RBCK1: variants seen among roughly 807,000 people sequenced by gnomAD.
RBCK1 encodes the protein RANBP2-type and C3HC4-type zinc finger containing 1.
Under a neutral mutation model 71.1 loss-of-function variants are expected in RBCK1, and 44 were observed. That is an observed-to-expected ratio of 0.62 (90% CI 0.49 to 0.80). The LOEUF (loss-of-function observed/expected upper bound fraction) is 0.80. Among genes scored for constraint, RBCK1 ranks in the 30% least tolerant of loss-of-function variants. The pLI, the probability that RBCK1 is intolerant of heterozygous loss-of-function variation, is 0.00. For missense variants in RBCK1, 569 were observed against 685.0 expected, an observed-to-expected ratio of 0.83 and a Z score of 1.89; for synonymous variants, 306 against 279.7, an observed-to-expected ratio of 1.09 and a Z score of -0.94.
chr20:410,630 T>C, intron 2 of RBCK1: 2 of 761,796 alleles, frequency 2.6e-6, no homozygotes, highest in Non-Finnish European at 4.9e-6. Flanking sequence ...AATTCAGGGG[T>C]TCGCTTGGTA....
chr20:417,886 A>G lies in RBCK1; in HGVS notation c.416A>G (p.Asn139Ser), dbSNP rs1291329022. The G allele has an allele frequency of 6.2e-7, 1 of 1,612,316 alleles. No homozygotes were observed. Among genetic ancestry groups the G allele is most frequent in the Non-Finnish European group, 8.5e-7 (1 of 1,179,956 alleles). The change falls in exon 4 of 12, where the codon AAC (asparagine) becomes AGC (serine). Residue 139 changes from asparagine to serine, a missense_variant. Around this residue, in one of 2 missense-constraint regions of RBCK1, gnomAD observed 358 missense variants for 375.6 expected, o/e 0.95. Coordinates refer to ENST00000356286, the MANE Select transcript of RBCK1 (RefSeq NM_031229.4). This position sits in a 1 kb window ranked among gnomAD's most constrained non-coding sequence, Gnocchi z 4.7. ...YLLSARNTSLNPQELQRERQL... is the reference protein window; with the variant it reads ...YLLSARNTSLSPQELQRERQL... ...CTGTCAGCCCGCAACACCTCCCTCA[A>G]CCCTCAGGAGCTGCAGCGGGAGCGG...
At chr20:425,494 C>T (rs1465462132) in intron 8 of RBCK1, among the ~76,000 whole-genome samples, 4 of 152,062 alleles carry the variant, frequency 2.6e-5, no homozygotes, top group Admixed American at 2.6e-4. Context: ...ATCGCTTTAG[C>T]TTTTGTTATT....
chr20:420,854 C>G lies in RBCK1; in HGVS notation c.757-17C>G. The G allele has an allele frequency of 6.5e-7, 1 of 1,546,162 alleles. No individual in the cohort carries two copies. On this transcript the variant is annotated splice_polypyrimidine_tract_variant and intron_variant, in intron 6 of 11. Coordinates refer to ENST00000356286, the MANE Select transcript of RBCK1 (RefSeq NM_031229.4). The stretch of plus-strand genomic sequence containing the variant: ...CGAGGCCCTGACCCGCCCCGTGGCC[C>G]CGCCCCGTGTGCCCAGCGGAAGCAG...
At chr20:426,044 T>C (rs2016696227) in intron 8 of RBCK1, among the ~76,000 whole-genome samples, 2 of 152,226 alleles carry the variant, frequency 1.3e-5, no homozygotes, top group Admixed American at 1.3e-4. Context: ...CAGTGCTACG[T>C]ACTAGCTTAC....
At chr20:429,472 T>C (rs1189734941) in intron 11 of RBCK1, among the ~76,000 whole-genome samples, 7 of 152,150 alleles carry the variant, frequency 4.6e-5, no homozygotes, top group Admixed American at 4.6e-4. Context: ...GTGATCCACC[T>C]GCCTCGGCCT....
Position 430,368 on chromosome 20 carries a change from G to A in RBCK1, c.1471G>A (p.Gly491Arg), listed in dbSNP as rs770973545. 35 of 1,612,424 alleles carry A rather than the reference G, an allele frequency of 2.2e-5. No homozygotes were observed. The highest frequency in any genetic ancestry group is 3.3e-4 in the Middle Eastern group (2 of 6,058). Residue 491 changes from glycine (G) to arginine (R), a missense_variant, in exon 12 of 12, where the codon GGG becomes AGG. Gly to Arg is a moderately radical substitution (Grantham distance 125). Transcript: ENST00000356286. The surrounding 1 kb of genome is among the most constrained non-coding windows in gnomAD (Gnocchi z 5.6). ...WGPGGPGDTS[G>R]GCRCRVNGIP... ...CCTCTAGGGCCCAGGAGACACCAGCGGGGGCTGCCGCTGCAGGGTAAATGG... is the reference window on the plus strand; with the variant it reads ...CCTCTAGGGCCCAGGAGACACCAGCAGGGGCTGCCGCTGCAGGGTAAATGG...
chr20:411,851 T>C (rs182084622), intron 2 of RBCK1, among the ~76,000 whole-genome samples: 1 of 152,378 alleles, frequency 6.6e-6, no homozygotes, highest in Admixed American at 6.5e-5. Flanking sequence ...TAATCTATTG[T>C]ATAGACATAT....
Position 419,367 on chromosome 20 carries a change from A to G in RBCK1, c.481A>G (p.Thr161Ala), listed in dbSNP as rs2016222055. The change falls in exon 5 of 12, where the codon ACG (threonine) becomes GCG (alanine). Residue 161 changes from threonine (T) to alanine (A), a missense_variant. By Grantham distance (58) the Thr-to-Ala change is moderately conservative. Coordinates refer to ENST00000356286, the MANE Select transcript of RBCK1 (RefSeq NM_031229.4). ...MLEDLGFKDLTLQPRGPLEPG... is the reference protein window; with the variant it reads ...MLEDLGFKDLALQPRGPLEPG... ...CACAGATCTGGGCTTCAAGGACCTC[A>G]CGCTGCAGCCGCGGGGCCCTCTGGA... 9.3e-6 allele frequency: 15 copies of G among 1,612,276 alleles called. No individual in the cohort carries two copies. The highest frequency in any genetic ancestry group is 1.3e-5 in the Non-Finnish European group (15 of 1,179,784).
chr20:417,395 TTG>T lies in RBCK1; in HGVS notation c.168-104_168-103del, dbSNP rs67707964. On this transcript the variant is annotated intron_variant, in intron 2 of 11. Transcript: ENST00000356286. The surrounding 1 kb of genome is among the most constrained non-coding windows in gnomAD (Gnocchi z 4.7). ...GGTGGGGCCTACCCCAGACTGGGGT[TTG>T]TGTGTGTGTGTGTGTGTGTGTGTGT... The T allele has an allele frequency of 0.31, 207,247 of 673,380 alleles. 4,858 individuals are homozygous for T. The highest frequency in any genetic ancestry group is 0.41 in the East Asian group (14,026 of 34,372). The allele number at this position is 673,380 out of a possible 1,614,324, so 41.7% of individuals were successfully genotyped here. A position where few individuals can be genotyped will look rare whatever the true frequency, so the allele number is the denominator to read the frequency against.
chr20:421,159 C>T (rs2016411551), intron 7 of RBCK1, 128 bp downstream of exon 7: 9 of 1,178,200 alleles, frequency 7.6e-6, no homozygotes, highest in Non-Finnish European at 1.0e-5. Context: ...ACGAGGTAGG[C>T]TCCGTCTCCC....
At chr20:416,924 T>TA (rs1195023177) in intron 2 of RBCK1, among the ~76,000 whole-genome samples, 1 of 152,168 alleles carries the variant, frequency 6.6e-6, no homozygotes, top group East Asian at 1.9e-4. Flanking sequence ...AGGAGGTTGA[T>TA]ACTGCAGTGA....
rs183245609 is a variant in RBCK1, at chr20:429,521, G to A, written c.1452+427G>A. On this transcript the variant is annotated intron_variant, in intron 11 of 11. Transcript: ENST00000356286. ...GATTACAGGCGTGAGCCACCGGGCCGCAAGAATGTTCTTTACATCTTTAAA... is the reference window on the plus strand; with the variant it reads ...GATTACAGGCGTGAGCCACCGGGCCACAAGAATGTTCTTTACATCTTTAAA... Among the ~76,000 whole-genome samples the A allele has an allele frequency of 3.3e-5, 5 of 152,296 alleles. No homozygotes were observed. In the South Asian group the frequency reaches 6.2e-4, roughly 19 times the overall value.
chr20:414,158 G>A (rs1036408445), intron 2 of RBCK1, among the ~76,000 whole-genome samples: 2 of 152,032 alleles, frequency 1.3e-5, no homozygotes, highest in African/African-American at 2.4e-5. Context: ...TGGGCATGGC[G>A]GCTCAGCACT....
intron 2 of RBCK1, chr20:410,813 G>T: frequency 2.7e-6 from 1 of 375,668 alleles, no homozygotes; most frequent in Non-Finnish European, 4.8e-6. Flanking sequence ...TAGTTTTATG[G>T]TTTCTGATTT....
At position 430,351 on chromosome 20, in the gene RBCK1, G is replaced by A. The variant is rs267605923; in HGVS notation, c.1454G>A (p.Gly485Asp). ...TCTTCTCTTCCTCCCATCCTCTAGG[G>A]CCCAGGAGACACCAGCGGGGGCTGC... The part of the protein sequence containing the change: ...VTKGPRWGPG[G>D]PGDTSGGCRC... Residue 485 changes from glycine to aspartate, a missense_variant and splice_region_variant, in exon 12 of 12, where the codon GGC becomes GAC. Gly to Asp is a moderately conservative substitution (Grantham distance 94, BLOSUM62 -1). Around this residue, in one of 2 missense-constraint regions of RBCK1, gnomAD observed 211 missense variants for 309.4 expected, o/e 0.68. Coordinates refer to ENST00000356286, the MANE Select transcript of RBCK1 (RefSeq NM_031229.4). This position sits in a 1 kb window ranked among gnomAD's most constrained non-coding sequence, Gnocchi z 5.6. The A allele has an allele frequency of 1.2e-6, 2 of 1,608,256 alleles. No individual in the cohort carries two copies. Among genetic ancestry groups the A allele is most frequent in the Non-Finnish European group, 1.7e-6 (2 of 1,174,812 alleles).
Position 422,668 on chromosome 20 carries a change from T to G in RBCK1, c.1029+430T>G, listed in dbSNP as rs1271035218. Among the ~76,000 whole-genome samples the G allele has an allele frequency of 2.6e-5, 4 of 151,954 alleles. No homozygotes were observed. Among genetic ancestry groups the G allele is most frequent in the African/African-American group, 9.7e-5 (4 of 41,380 alleles). On this transcript the variant is annotated intron_variant, in intron 8 of 11. Transcript: ENST00000356286. The surrounding 1 kb of genome is among the most constrained non-coding windows in gnomAD (Gnocchi z 5.0). ...AACATGGCAAAAAATATTCAAAAAA[T>G]AGCCAGGCGCGGGGGCATGCGCCTG...
Position 408,503 on chromosome 20 carries a change from T to A in RBCK1, c.-255T>A. 5.3e-6 allele frequency: 3 copies of A among 565,542 alleles called. No homozygotes were observed. The South Asian group carries it at 6.2e-5, about 12-fold the overall frequency. The allele number at this position is 565,542 out of a possible 1,614,324, so 35.0% of individuals were successfully genotyped here. The stretch of plus-strand genomic sequence containing the variant: ...CACCTCGGCTGGTCCCGTTTCCTCC[T>A]GCGCCCAGTGCGGACCTGTCTCGGC... On this transcript the variant is annotated 5_prime_UTR_variant, in exon 1 of 12. Coordinates refer to ENST00000356286, the MANE Select transcript of RBCK1 (RefSeq NM_031229.4).
Position 419,737 on chromosome 20 carries a change from CG to C in RBCK1, c.756+9del. On this transcript the variant is annotated splice_region_variant and intron_variant, in intron 6 of 11. Coordinates refer to ENST00000356286, the MANE Select transcript of RBCK1 (RefSeq NM_031229.4). ...CGCTGCGTCAGTACCAGCAGGTGGG[CG>C]GGAAAGTCCCTGGACAGACACCTGC... The C allele has an allele frequency of 1.3e-6, 2 of 1,549,888 alleles. No homozygotes were observed. Among genetic ancestry groups the C allele is most frequent in the Non-Finnish European group, 8.7e-7 (1 of 1,151,278 alleles).
In RBCK1 at chr20:428,863, G is replaced by A. The variant is rs894385807; in HGVS notation, c.1309-88G>A. 4.5e-5 allele frequency: 67 copies of A among 1,488,620 alleles called. No individual in the cohort carries two copies. The highest frequency in any genetic ancestry group is 5.2e-5 in the Non-Finnish European group (59 of 1,127,478). The allele number at this position is 1,488,620 out of a possible 1,614,324, so 92.2% of individuals were successfully genotyped here. A position where few individuals can be genotyped will look rare whatever the true frequency, so the allele number is the denominator to read the frequency against. On this transcript the variant is annotated intron_variant, in intron 10 of 11. Transcript: ENST00000356286. This position sits in a 1 kb window ranked among gnomAD's most constrained non-coding sequence, Gnocchi z 5.7. Reference sequence around the variant, plus strand: ...CAGGAGAGACTCCACAGCTCTAGAGGGTCACCACCTTCTCCCTGCCATGGG... The same window carrying A: ...CAGGAGAGACTCCACAGCTCTAGAGAGTCACCACCTTCTCCCTGCCATGGG...
Sources: allele counts gnomAD v4.1 joint callset (sites outside exome capture counted in the v4.1 genomes callset), GRCh38; gene constraint gnomAD v4.1.1; regional missense constraint gnomAD v4.1.1; non-coding constraint Gnocchi (gnomAD v3.1); transcripts MANE v1.5; gene names NCBI Gene and HGNC (gene_info 2026-07-23, HGNC 2026-07-21).